IGF1: variants seen among roughly 807,000 people sequenced by gnomAD.
IGF1 encodes insulin-like growth factor 1.
IGF1 carries 4 observed loss-of-function variants against 13.8 expected under a neutral mutation model. That is an observed-to-expected ratio of 0.29 (90% CI 0.14 to 0.66). The LOEUF (loss-of-function observed/expected upper bound fraction) is 0.66. IGF1 is among the 30% of genes least tolerant of loss of function. IGF1 has a pLI of 0.78. For synonymous variants in IGF1, 76 were observed against 72.6 expected, an observed-to-expected ratio of 1.05 and a Z score of -0.23; for missense variants, 124 against 188.5, an observed-to-expected ratio of 0.66 and a Z score of 2.00.
chr12:102,420,777 T>G (rs568825385), intron 2 of IGF1, among the ~76,000 whole-genome samples: 20 of 152,204 alleles, frequency 1.3e-4, no homozygotes, highest in Non-Finnish European at 2.6e-4. Context: ...TTCTCCTCCC[T>G]TATCTCTCCT....
intron 2 of IGF1, among the ~76,000 whole-genome samples, chr12:102,425,669 A>G (rs2137024870): frequency 6.6e-6 from 1 of 152,362 alleles, no homozygotes; most frequent in South Asian, 2.1e-4. Flanking sequence ...TTCCAAGGCC[A>G]GGAAGCTAAA....
intron 2 of IGF1, among the ~76,000 whole-genome samples, chr12:102,474,500 C>T (rs533974607): frequency 6.6e-6 from 1 of 152,306 alleles, no homozygotes; most frequent in East Asian, 1.9e-4. Flanking sequence ...GACTGGTATA[C>T]ACAGGCCACC....
rs1344558221 is a variant in IGF1, at chr12:102,400,152, C to T, written c.*2355G>A. ...GAGTCTTTTTTTTTTTTTTCCTGGC[C>T]TCTGATCCTTGAGGTGACCCAGTGG... is the stretch of plus-strand genomic sequence containing the variant. On this transcript the variant is annotated 3_prime_UTR_variant, in exon 4 of 4. Transcript: ENST00000337514. 1 of 149,772 alleles carries T rather than the reference C, an allele frequency of 6.7e-6. No homozygotes were observed. The highest frequency in any genetic ancestry group is 2.5e-5 in the African/African-American group (1 of 40,744). 9.3% of individuals were successfully genotyped at this position (149,772 alleles called of 1,614,324 possible). A position where few individuals can be genotyped will look rare whatever the true frequency, so the allele number is the denominator to read the frequency against.
At chr12:102,418,233 G>C (rs1875338775) in intron 3 of IGF1, among the ~76,000 whole-genome samples, 1 of 152,220 alleles carries the variant, frequency 6.6e-6, no homozygotes, top group South Asian at 2.1e-4. Context: ...CCTGGGAAGA[G>C]AAAGAATGAA....
chr12:102,465,079 T>C (rs1880206329), intron 2 of IGF1, among the ~76,000 whole-genome samples: 1 of 152,216 alleles, frequency 6.6e-6, no homozygotes, highest in Admixed American at 6.5e-5. Flanking sequence ...ATTAATTAAC[T>C]CTTGGGTGGT....
At chr12:102,467,258 C>T (rs1880397613) in intron 2 of IGF1, among the ~76,000 whole-genome samples, 1 of 152,082 alleles carries the variant, frequency 6.6e-6, no homozygotes, top group Admixed American at 6.5e-5. Flanking sequence ...CTTTTAGTAC[C>T]TCATAAAGAC....
chr12:102,453,437 T>G (rs1592805897), intron 2 of IGF1, among the ~76,000 whole-genome samples: 1 of 152,228 alleles, frequency 6.6e-6, no homozygotes, highest in Admixed American at 6.5e-5. Context: ...GCAATGTTAA[T>G]TGAGCACTTT....
At chr12:102,425,579 C>T (rs1374919709) in intron 2 of IGF1, among the ~76,000 whole-genome samples, 1 of 152,162 alleles carries the variant, frequency 6.6e-6, no homozygotes, top group African/African-American at 2.4e-5. Flanking sequence ...TGGGGCTGCC[C>T]CTTTGTTGAA....
intron 3 of IGF1, among the ~76,000 whole-genome samples, chr12:102,417,148 A>G (rs984774483): frequency 6.6e-6 from 1 of 152,218 alleles, no homozygotes; most frequent in Non-Finnish European, 1.5e-5. Context: ...TACCTAGCCT[A>G]TGATACTTTG....
chr12:102,435,625 G>A lies in IGF1; in HGVS notation c.221-15935C>T, dbSNP rs77433676. 9.5e-3 allele frequency among the ~76,000 whole-genome samples: 1,449 copies of A among 152,270 alleles called. 12 individuals carry two copies. Among genetic ancestry groups the A allele is most frequent in the Non-Finnish European group, 0.015 (1,053 of 68,034 alleles). ...AGAGTTTAAGTGGCTTATGAATCTGGAAGTTCCTTTGATTTCAAATGGCAA... is the reference window on the plus strand; with the variant it reads ...AGAGTTTAAGTGGCTTATGAATCTGAAAGTTCCTTTGATTTCAAATGGCAA... On this transcript the variant is annotated intron_variant, in intron 2 of 3. Transcript: ENST00000337514.
intron 2 of IGF1, among the ~76,000 whole-genome samples, chr12:102,451,521 A>T (rs901597931): frequency 3.9e-5 from 6 of 152,214 alleles, no homozygotes; most frequent in Non-Finnish European, 8.8e-5. Context: ...GTAACAATGC[A>T]TGCTGTAGAT....
chr12:102,446,584 T>A (rs930851025), intron 2 of IGF1, among the ~76,000 whole-genome samples: 1 of 152,196 alleles, frequency 6.6e-6, no homozygotes, highest in Admixed American at 6.5e-5. Flanking sequence ...CTTTATCATT[T>A]TTTATTGCAT....
intron 3 of IGF1, among the ~76,000 whole-genome samples, chr12:102,403,998 T>A (rs182112688): frequency 2.0e-5 from 3 of 152,224 alleles, no homozygotes; most frequent in African/African-American, 7.2e-5. Context: ...TACTTTATCC[T>A]TGAATGTATT....
chr12:102,409,337 C>A (rs1336751425), intron 3 of IGF1, among the ~76,000 whole-genome samples: 1 of 152,160 alleles, frequency 6.6e-6, no homozygotes. Flanking sequence ...GTTTGTCTCT[C>A]CACTAAAACA....
chr12:102,407,094 C>CAAAAAAAAAAAAAA (rs57468885), intron 3 of IGF1, among the ~76,000 whole-genome samples: 34 of 100,980 alleles, frequency 3.4e-4, no homozygotes, highest in Non-Finnish European at 5.5e-4. Flanking sequence ...ACTCTGTCTC[C>CAAAAAAAAAAAAAA]AAAAAAAAAA....
rs1592724811 is a variant in IGF1 at position 102,398,384 on chromosome 12, T to A, written c.*4123A>T. ...GGTAAATCTATGTATTTTTTCTCTT[T>A]GTTCTTATTTTCTCCACTTGCTGAA... On this transcript the variant is annotated 3_prime_UTR_variant, in exon 4 of 4. Transcript: ENST00000337514. 6.6e-6 allele frequency: 1 copy of A among 152,340 alleles called. No homozygotes were observed. The highest frequency in any genetic ancestry group is 1.5e-5 in the Non-Finnish European group (1 of 68,030). 9.4% of individuals were successfully genotyped at this position (152,340 alleles called of 1,614,324 possible). A position where few individuals can be genotyped will look rare whatever the true frequency, so the allele number is the denominator to read the frequency against.
chr12:102,447,488 C>CT (rs986601891), intron 2 of IGF1, among the ~76,000 whole-genome samples: 3 of 152,118 alleles, frequency 2.0e-5, no homozygotes, highest in Non-Finnish European at 4.4e-5. Flanking sequence ...CATTCTTTGT[C>CT]TTTTTTTATC....
intron 2 of IGF1, among the ~76,000 whole-genome samples, chr12:102,430,234 C>A (rs548123315): frequency 6.6e-6 from 1 of 152,320 alleles, no homozygotes; most frequent in South Asian, 2.1e-4. Flanking sequence ...AGTCTTTCAA[C>A]AGGGCAGCCT....
intron 2 of IGF1, among the ~76,000 whole-genome samples, chr12:102,466,324 G>C (rs540667378): frequency 6.6e-6 from 1 of 152,148 alleles, no homozygotes; most frequent in South Asian, 2.1e-4. Flanking sequence ...CTCTTCTGGA[G>C]ACTTGTCTAG....
Sources: gnomAD v4.1 joint callset for allele counts (sites outside exome capture counted in the v4.1 genomes callset) on GRCh38, gnomAD v4.1.1 for gene constraint, MANE v1.5 for transcripts, NCBI Gene and HGNC (gene_info 2026-07-23, HGNC 2026-07-21) for gene names.